The following TTC17 variants were observed in gnomAD, a reference collection of about 807,000 sequenced individuals.
TTC17 encodes the protein tetratricopeptide repeat protein 17.
Under a neutral mutation model 143.8 loss-of-function variants are expected in TTC17, and 58 were observed. The observed-to-expected ratio is 0.40, with a 90% CI of 0.33 to 0.50. TTC17 has a LOEUF of 0.50. TTC17 is among the 20% of genes least tolerant of loss of function. The probability of loss-of-function intolerance (pLI) is 0.49; values close to 1 mark genes in which losing one functional copy is unlikely to be tolerated. For synonymous variants in TTC17, 501 were observed against 497.8 expected, an observed-to-expected ratio of 1.01 and a Z score of -0.09; for missense variants, 1,273 against 1,392.5, an observed-to-expected ratio of 0.91 and a Z score of 1.37.
intron 21 of TTC17, among the ~76,000 whole-genome samples, chr11:43,471,295 G>A (rs962492907): frequency 6.6e-6 from 1 of 152,170 alleles, no homozygotes; most frequent in Non-Finnish European, 1.5e-5. Flanking sequence ...ACTTCCTCAG[G>A]TAGAGGCTCG....
intron 21 of TTC17, among the ~76,000 whole-genome samples, chr11:43,469,656 T>C (rs989285652): frequency 2.6e-5 from 4 of 152,172 alleles, no homozygotes; most frequent in Admixed American, 6.5e-5. Flanking sequence ...AAATAACATA[T>C]AGGGATAGAA....
At chr11:43,405,094 CT>C (rs528720022) in intron 11 of TTC17, among the ~76,000 whole-genome samples, 12,611 of 132,440 alleles carry the variant, frequency 0.095, 1,770 homozygotes, top group African/African-American at 0.32. Flanking sequence ...TCTTCTTTTT[CT>C]TTTTTTTTTT....
At chr11:43,412,051 A>G (rs1416100844) in intron 15 of TTC17, among the ~76,000 whole-genome samples, 2 of 152,232 alleles carry the variant, frequency 1.3e-5, no homozygotes, top group Non-Finnish European at 2.9e-5. Flanking sequence ...TATGGTTTGC[A>G]CACAAGCAAA....
Position 43,443,291 on chromosome 11 carries a change from ACCTTTTACTAACGTG to A in TTC17, c.2252-32_2252-18del. ...CCAAGGTCTTGAATGAGTACTGTGT[ACCTTTTACTAACGTG>A]CTGGCCCTTGAATTTCAGGTACGGT... On this transcript the variant is annotated intron_variant, in intron 16 of 23. Coordinates refer to ENST00000039989, the MANE Select transcript of TTC17 (RefSeq NM_018259.6). The A allele has an allele frequency of 6.2e-7, 1 of 1,608,724 alleles. No homozygotes were observed. The highest frequency in any genetic ancestry group is 8.5e-7 in the Non-Finnish European group (1 of 1,177,302).
intron 21 of TTC17, among the ~76,000 whole-genome samples, chr11:43,483,169 A>G (rs1948319193): frequency 7.2e-6 from 1 of 137,938 alleles, no homozygotes; most frequent in Admixed American, 7.1e-5. Flanking sequence ...TAATTCTCAA[A>G]TAAATTAAGT....
chr11:43,469,643 G>C (rs1196873587), intron 21 of TTC17, among the ~76,000 whole-genome samples: 1 of 152,096 alleles, frequency 6.6e-6, no homozygotes, highest in Non-Finnish European at 1.5e-5. Context: ...CCAGAATAGG[G>C]GGAAATAACA....
chr11:43,433,606 A>C (rs1421429158), intron 16 of TTC17, among the ~76,000 whole-genome samples: 1 of 152,220 alleles, frequency 6.6e-6, no homozygotes, highest in African/African-American at 2.4e-5. Flanking sequence ...TCCCTTGTGC[A>C]CATAATATTT....
intron 5 of TTC17, 42 bp from the exon 6 acceptor site, chr11:43,396,667 T>A: frequency 8.2e-7 from 1 of 1,220,486 alleles, no homozygotes; most frequent in Non-Finnish European, 1.2e-6. Context: ...TAAGTTAAAC[T>A]GTCTTGAGTC....
In TTC17 at chr11:43,379,342, G is replaced by T; in HGVS notation, c.249+20G>T. 1 of 1,593,934 alleles carries T rather than the reference G, an allele frequency of 6.3e-7. No individual in the cohort carries two copies. The highest frequency in any genetic ancestry group is 1.1e-5 in the South Asian group (1 of 89,096). On this transcript the variant is annotated intron_variant, in intron 2 of 23. Coordinates refer to ENST00000039989, the MANE Select transcript of TTC17 (RefSeq NM_018259.6). ...TTAGAGGTGAGGCAACTGGGCATGT[G>T]AGATGCAGCTGATGCTTGTTGCATT...
chr11:43,461,390 C>CAAAAAAAAAAAAAA (rs750240102), intron 21 of TTC17, among the ~76,000 whole-genome samples: 1 of 36,038 alleles, frequency 2.8e-5, no homozygotes, highest in Non-Finnish European at 5.2e-5. Context: ...AACTCCGTCT[C>CAAAAAAAAAAAAAA]AAAAAAAAAA....
intron 16 of TTC17, among the ~76,000 whole-genome samples, chr11:43,434,221 ACACACACACACT>A (rs1947231462): frequency 2.5e-5 from 2 of 80,426 alleles, no homozygotes; most frequent in African/African-American, 3.9e-5. Context: ...ACACACACAC[ACACACACACACT>A]CTCATGGCCT....
At chr11:43,366,182 T>G (rs940720144) in intron 1 of TTC17, among the ~76,000 whole-genome samples, 1 of 152,072 alleles carries the variant, frequency 6.6e-6, no homozygotes, top group African/African-American at 2.4e-5. Context: ...CACCAAGATC[T>G]TTGTTTTACT....
At chr11:43,406,441 A>T (rs1858136525) in intron 13 of TTC17, among the ~76,000 whole-genome samples, 1 of 152,116 alleles carries the variant, frequency 6.6e-6, no homozygotes, top group South Asian at 2.1e-4. Context: ...CTTTTCCTAA[A>T]TTCCTATTAA....
chr11:43,467,174 A>G (rs1328149772), intron 21 of TTC17, among the ~76,000 whole-genome samples: 1 of 152,242 alleles, frequency 6.6e-6, no homozygotes, highest in African/African-American at 2.4e-5. Context: ...ACTCCTGGAT[A>G]TATATCCAAA....
chr11:43,454,780 A>C (rs567563332), intron 21 of TTC17, among the ~76,000 whole-genome samples: 54 of 152,182 alleles, frequency 3.5e-4, no homozygotes, highest in Non-Finnish European at 6.9e-4. Flanking sequence ...ATTTGTAATA[A>C]TAATTAGTAT....
chr11:43,391,904 AAGG>A lies in TTC17; in HGVS notation c.618_620del (p.Arg206del). ...TCACATATTTATCTAAACGGTTAGG[AAGG>A]AGTATAGATGACATAGGTCACCTCA... On this transcript the variant is annotated inframe_deletion, in exon 5 of 24. Coordinates refer to ENST00000039989, the MANE Select transcript of TTC17 (RefSeq NM_018259.6). The A allele has an allele frequency of 6.2e-7, 1 of 1,613,688 alleles. No individual in the cohort carries two copies. The highest frequency in any genetic ancestry group is 8.5e-7 in the Non-Finnish European group (1 of 1,179,892).
chr11:43,412,767 G>T (rs570285635), intron 15 of TTC17, among the ~76,000 whole-genome samples: 1 of 152,062 alleles, frequency 6.6e-6, no homozygotes, highest in Admixed American at 6.6e-5. Flanking sequence ...AACATTTCTG[G>T]TTCTAGGCAT....
chr11:43,486,370 GA>G (rs1031732689), intron 21 of TTC17: 38 of 439,430 alleles, frequency 8.6e-5, no homozygotes, highest in South Asian at 1.5e-4. Flanking sequence ...TTATCAGATT[GA>G]AAAAAAATAG....
intron 16 of TTC17, among the ~76,000 whole-genome samples, chr11:43,427,619 C>T (rs541787119): frequency 2.6e-5 from 4 of 152,310 alleles, no homozygotes; most frequent in African/African-American, 7.2e-5. Flanking sequence ...TTTTACCCAT[C>T]TTTCAAGACC....
Sources: allele counts gnomAD v4.1 joint callset (sites outside exome capture counted in the v4.1 genomes callset), GRCh38; gene constraint gnomAD v4.1.1; transcripts MANE v1.5; gene names NCBI Gene and HGNC (gene_info 2026-07-23, HGNC 2026-07-21).